The following HEMK2 variants were observed in gnomAD, a reference collection of about 807,000 sequenced individuals.
HEMK2 encodes methyltransferase HEMK2.
the HEMK2 span, among the ~76,000 whole-genome samples, chr21:28,757,501 C>T: frequency 6.6e-6 from 1 of 152,054 alleles, no homozygotes; most frequent in Admixed American, 6.6e-5. Context: ...CATGAGTAAG[C>T]CCAGGTAAAG....
the HEMK2 span, among the ~76,000 whole-genome samples, chr21:28,865,010 C>T: frequency 1.3e-5 from 2 of 151,576 alleles, no homozygotes; most frequent in African/African-American, 4.9e-5. Context: ...CAGATATGTT[C>T]CCCCTTCCCA....
chr21:28,824,302 AG>A, the HEMK2 span, among the ~76,000 whole-genome samples: 1 of 152,360 alleles, frequency 6.6e-6, no homozygotes, highest in South Asian at 2.1e-4. Flanking sequence ...AGGTTCTATC[AG>A]AATTTACGAC....
At chr21:28,761,206 T>C in the HEMK2 span, among the ~76,000 whole-genome samples, 5 of 152,136 alleles carry the variant, frequency 3.3e-5, no homozygotes, top group Admixed American at 1.3e-4. Flanking sequence ...AAATGGACCC[T>C]GAAGAATTTA....
the HEMK2 span, among the ~76,000 whole-genome samples, chr21:28,781,405 C>T: frequency 3.3e-5 from 5 of 152,104 alleles, no homozygotes; most frequent in Admixed American, 6.5e-5. Flanking sequence ...CTACCCATGA[C>T]GCCATGCCAG....
At chr21:28,885,270 C>CG in the HEMK2 span, 1 of 1,594,238 alleles carries the variant, frequency 6.3e-7, no homozygotes. Flanking sequence ...GTGTCCTCCG[C>CG]GGGCTCGTAC....
At chr21:28,654,396 T>TA in the HEMK2 span, among the ~76,000 whole-genome samples, 1 of 152,168 alleles carries the variant, frequency 6.6e-6, no homozygotes, top group Non-Finnish European at 1.5e-5. Flanking sequence ...TCTGCTTAGT[T>TA]ACTCACTTTG....
chr21:28,798,716 T>C, the HEMK2 span, among the ~76,000 whole-genome samples: 1 of 152,120 alleles, frequency 6.6e-6, no homozygotes, highest in Non-Finnish European at 1.5e-5. Context: ...GGTGTCATAG[T>C]AGGAATTGTG....
At chr21:28,841,935 G>C in the HEMK2 span, among the ~76,000 whole-genome samples, 2 of 152,210 alleles carry the variant, frequency 1.3e-5, no homozygotes, top group Non-Finnish European at 2.9e-5. Context: ...CAACTCCACT[G>C]GGAGAGACTC....
At chr21:28,735,650 C>T in the HEMK2 span, among the ~76,000 whole-genome samples, 2 of 152,244 alleles carry the variant, frequency 1.3e-5, no homozygotes, top group Non-Finnish European at 2.9e-5. Flanking sequence ...GATTTTCTGT[C>T]CTCAGTGACG....
the HEMK2 span, among the ~76,000 whole-genome samples, chr21:28,684,022 A>G: frequency 1.3e-5 from 2 of 152,230 alleles, no homozygotes; most frequent in South Asian, 2.1e-4. Context: ...AGACACCAAC[A>G]TAAGCATTCC....
At chr21:28,590,112 ACT>A in the HEMK2 span, among the ~76,000 whole-genome samples, 10 of 152,056 alleles carry the variant, frequency 6.6e-5, no homozygotes, top group South Asian at 4.1e-4. Context: ...AATCTGTGTT[ACT>A]CTCTGTTTTT....
the HEMK2 span, among the ~76,000 whole-genome samples, chr21:28,651,548 T>C: frequency 6.6e-6 from 1 of 152,214 alleles, no homozygotes; most frequent in African/African-American, 2.4e-5. Context: ...TAATTGTAAG[T>C]TGCAATTTGA....
the HEMK2 span, among the ~76,000 whole-genome samples, chr21:28,774,253 G>A: frequency 5.4e-4 from 82 of 152,244 alleles, no homozygotes; most frequent in East Asian, 0.014. Flanking sequence ...AGGATATCTG[G>A]AGAATCAAGC....
the HEMK2 span, among the ~76,000 whole-genome samples, chr21:28,717,012 C>T: frequency 1.7e-4 from 26 of 152,172 alleles, no homozygotes; most frequent in African/African-American, 6.0e-4. Context: ...CTTTGGGATT[C>T]AGCTTGCTAG....
At chr21:28,766,923 G>A in the HEMK2 span, among the ~76,000 whole-genome samples, 4 of 152,010 alleles carry the variant, frequency 2.6e-5, no homozygotes, top group Admixed American at 1.3e-4. Flanking sequence ...GCAATGGGTG[G>A]ACTAAAATCT....
chr21:28,784,914 T>C, the HEMK2 span, among the ~76,000 whole-genome samples: 1 of 152,332 alleles, frequency 6.6e-6, no homozygotes, highest in Non-Finnish European at 1.5e-5. Context: ...CTGCTCACTC[T>C]CTGGGTCTGC....
the HEMK2 span, among the ~76,000 whole-genome samples, chr21:28,591,447 G>A: frequency 7.2e-5 from 11 of 152,124 alleles, no homozygotes; most frequent in East Asian, 5.8e-4. Flanking sequence ...AATTTTGCAC[G>A]TCAAGTGAGA....
the HEMK2 span, among the ~76,000 whole-genome samples, chr21:28,761,980 G>A: frequency 1.3e-5 from 2 of 152,082 alleles, no homozygotes; most frequent in African/African-American, 4.8e-5. Flanking sequence ...ACTTCCAAAT[G>A]TGTTTCCAGT....
the HEMK2 span, among the ~76,000 whole-genome samples, chr21:28,865,184 A>G: frequency 0.84 from 127,644 of 152,110 alleles, 54,009 homozygotes; most frequent in South Asian, 0.93. Flanking sequence ...TTTTGTTTTC[A>G]AGATGGAATT....
Sources: gnomAD v4.1 joint callset for allele counts (sites outside exome capture counted in the v4.1 genomes callset) on GRCh38, gnomAD v4.1.1 for gene constraint, MANE v1.5 for transcripts, NCBI Gene and HGNC (gene_info 2026-07-23, HGNC 2026-07-21) for gene names.